Variants in SASS6 observed in about 807,000 individuals in gnomAD.
The protein encoded by SASS6 is spindle assembly abnormal protein 6 homolog.
Under a neutral mutation model 94.9 loss-of-function variants are expected in SASS6, and 59 were observed. That is an observed-to-expected ratio of 0.62 (90% CI 0.50 to 0.77). The LOEUF is 0.77. SASS6 is among the 30% of genes least tolerant of loss of function. The probability of loss-of-function intolerance (pLI) is 0.00; values close to 1 mark genes in which losing one functional copy is unlikely to be tolerated. For missense variants in SASS6, 698 were observed against 734.1 expected, an observed-to-expected ratio of 0.95 and a Z score of 0.57; for synonymous variants, 264 against 270.0, an observed-to-expected ratio of 0.98 and a Z score of 0.22.
rs72971877 is a variant in SASS6 at position 100,123,018 on chromosome 1, T to C, written c.206+192A>G. On this transcript the variant is annotated intron_variant, in intron 3 of 16. Transcript: ENST00000287482. ...AAAAGCTTCAAACTTCACAGGTGTT[T>C]TAAGCAGAATTCTAATAACCCACAA... 0.033 allele frequency among the ~76,000 whole-genome samples: 5,012 copies of C among 152,256 alleles called. 300 individuals carry two copies. Among genetic ancestry groups the C allele is most frequent in the African/African-American group, 0.11 (4,711 of 41,504 alleles).
chr1:100,110,476 A>G lies in SASS6; in HGVS notation c.677T>C (p.Val226Ala). ...TTGTTCATGCTGCTGTTGATATTGA[A>G]CCTGTGCCTATGATACAATAAAAAT... ...NEKEKALQAQVQYQQQHEQQK... is the reference protein window; with the variant it reads ...NEKEKALQAQAQYQQQHEQQK... Residue 226 changes from valine to alanine, a missense_variant, in exon 8 of 17, where the codon GTT becomes GCT. Physicochemically the swap from Val to Ala is moderately conservative, Grantham distance 64. Coordinates refer to ENST00000287482, the MANE Select transcript of SASS6 (RefSeq NM_194292.3). The G allele has an allele frequency of 6.3e-7, 1 of 1,586,774 alleles. No homozygotes were observed. The highest frequency in any genetic ancestry group is 8.6e-7 in the Non-Finnish European group (1 of 1,165,018).
chr1:100,096,188 G>A (rs1652085865), intron 14 of SASS6, among the ~76,000 whole-genome samples: 1 of 152,160 alleles, frequency 6.6e-6, no homozygotes, highest in Admixed American at 6.5e-5. Flanking sequence ...CACTGGCACA[G>A]GATAGGCATA....
intron 12 of SASS6, among the ~76,000 whole-genome samples, 198 bp from the exon 13 acceptor site, chr1:100,106,101 C>T (rs144647805): frequency 2.0e-5 from 3 of 152,178 alleles, no homozygotes; most frequent in African/African-American, 7.2e-5. Context: ...CATAGGACTC[C>T]TTATTGTATT....
intron 6 of SASS6, among the ~76,000 whole-genome samples, chr1:100,120,093 C>G (rs180766994): frequency 6.6e-6 from 1 of 152,040 alleles, no homozygotes; most frequent in Non-Finnish European, 1.5e-5. Context: ...AGGAATGAGG[C>G]GAACAAGTGG....
rs1354619232 is a variant in SASS6 at position 100,084,956 on chromosome 1, T to G, written c.*372A>C. ...ATAAAATGAATTAGTATTCTTTGGT[T>G]GCATACTATGAGGTTATGAGCAGGT... On this transcript the variant is annotated 3_prime_UTR_variant, in exon 17 of 17. Transcript: ENST00000287482. 2 of 162,448 alleles carry G rather than the reference T, an allele frequency of 1.2e-5. No individual in the cohort carries two copies. The highest frequency in any genetic ancestry group is 4.8e-5 in the African/African-American group (2 of 41,826). 10.1% of individuals were successfully genotyped at this position (162,448 alleles called of 1,614,324 possible).
In SASS6 at chr1:100,110,333, T is replaced by C; in HGVS notation, c.820A>G (p.Thr274Ala). ...AGTTTTGCTTTAAGTTCTCTAATAG[T>C]GGAGTCTCCTTTATATTTTCTTTCG... is the stretch of plus-strand genomic sequence containing the variant. ...LTERKYKGDS[T>A]IRELKAKLSG... The change falls in exon 8 of 17, where the codon ACT becomes GCT. Residue 274 changes from threonine to alanine, a missense_variant. Thr to Ala is a moderately conservative substitution (Grantham distance 58, BLOSUM62 0). Transcript: ENST00000287482. 2 of 1,596,330 alleles carry C rather than the reference T, an allele frequency of 1.3e-6. No individual in the cohort carries two copies. Among genetic ancestry groups the C allele is most frequent in the East Asian group, 2.3e-5 (1 of 44,188 alleles).
intron 14 of SASS6, among the ~76,000 whole-genome samples, chr1:100,093,155 A>G (rs2101643768): frequency 6.6e-6 from 1 of 151,452 alleles, no homozygotes; most frequent in South Asian, 2.1e-4. Context: ...CCCAACAAAA[A>G]CAGAATACCT....
intron 2 of SASS6, among the ~76,000 whole-genome samples, chr1:100,124,471 C>G (rs1177861279): frequency 6.6e-6 from 1 of 152,220 alleles, no homozygotes; most frequent in African/African-American, 2.4e-5. Context: ...GCCTCAACCT[C>G]CCAGTCTCAA....
intron 2 of SASS6, among the ~76,000 whole-genome samples, chr1:100,124,465 C>G (rs1654422312): frequency 1.3e-5 from 2 of 152,228 alleles, no homozygotes; most frequent in South Asian, 4.1e-4. Context: ...ACTGCAGCCT[C>G]AACCTCCCAG....
At chr1:100,126,066 C>G (rs1654595219) in intron 1 of SASS6, 124 bp from the exon 2 acceptor site, 1 of 574,364 alleles carries the variant, frequency 1.7e-6, no homozygotes, top group African/African-American at 1.9e-5. Flanking sequence ...AACTTATGAA[C>G]AGAAGTTTGA....
chr1:100,123,333 GC>G (rs1191592006), intron 2 of SASS6, 44 bp from the exon 3 acceptor site: 1 of 900,226 alleles, frequency 1.1e-6, no homozygotes, highest in Non-Finnish European at 1.8e-6. Flanking sequence ...ACTAGATCTG[GC>G]CTTTTGAGTA....
intron 7 of SASS6, among the ~76,000 whole-genome samples, chr1:100,116,108 C>T (rs754138038): frequency 2.0e-5 from 3 of 152,038 alleles, no homozygotes; most frequent in Non-Finnish European, 4.4e-5. Flanking sequence ...AAACTATATA[C>T]GGCAAAAGAT....
At position 100,101,606 on chromosome 1, in the gene SASS6, C is replaced by T. The variant is rs150713800; in HGVS notation, c.1674+1349G>A. ...TAAATAAAAAACAACTGTGAATTCA[C>T]TTATAATTCTAAAGAAAAAAAATGA... On this transcript the variant is annotated intron_variant, in intron 14 of 16. Coordinates refer to ENST00000287482, the MANE Select transcript of SASS6 (RefSeq NM_194292.3). Among the ~76,000 whole-genome samples, 722 of 152,110 alleles carry T rather than the reference C, an allele frequency of 4.7e-3. 4 individuals carry two copies. The highest frequency in any genetic ancestry group is 0.016 in the African/African-American group (653 of 41,502).
chr1:100,091,688 C>A (rs867194548), intron 14 of SASS6, among the ~76,000 whole-genome samples: 1 of 124,928 alleles, frequency 8.0e-6, no homozygotes, highest in Admixed American at 8.3e-5. Context: ...CAGAAAAAAA[C>A]CGCTGAATGG....
intron 15 of SASS6, among the ~76,000 whole-genome samples, chr1:100,086,467 T>C (rs953131232): frequency 2.6e-5 from 4 of 152,052 alleles, no homozygotes; most frequent in Admixed American, 1.3e-4. Flanking sequence ...ACAAATACGA[T>C]TGTCATATTT....
In SASS6 at chr1:100,122,506, A is replaced by G. The variant is rs780515264; in HGVS notation, c.207-22T>C. On this transcript the variant is annotated intron_variant, in intron 3 of 16. Coordinates refer to ENST00000287482, the MANE Select transcript of SASS6 (RefSeq NM_194292.3). ...TAAACTATACAGAAGAAAGGAAAAGAAATTTTTTAAAAATTTTAATTAACT... is the reference window on the plus strand; with the variant it reads ...TAAACTATACAGAAGAAAGGAAAAGGAATTTTTTAAAAATTTTAATTAACT... The G allele has an allele frequency of 2.9e-6, 3 of 1,022,220 alleles. No homozygotes were observed. The Admixed American group carries it at 7.0e-5, about 24-fold the overall frequency. 63.3% of individuals were successfully genotyped at this position (1,022,220 alleles called of 1,614,324 possible).
Position 100,121,545 on chromosome 1 carries a change from A to G in SASS6, c.316T>C (p.Leu106=). Residue 106 remains leucine (L), a synonymous_variant, in exon 5 of 17, where the codon TTG becomes CTG. Transcript: ENST00000287482. ...QEHAKEIPRF[L]LQLVSPAAIL... ...GCTGCTGGAGAAACTAACTGTAGCA[A>G]AAACCTTTGAAAAGAAAATGTTACA... 1.3e-6 allele frequency: 2 copies of G among 1,554,834 alleles called. No homozygotes were observed. The highest frequency in any genetic ancestry group is 3.7e-5 in the Admixed American group (2 of 54,034).
chr1:100,104,176 C>A (rs1652708660), intron 13 of SASS6, among the ~76,000 whole-genome samples: 1 of 152,172 alleles, frequency 6.6e-6, no homozygotes, highest in African/African-American at 2.4e-5. Flanking sequence ...CAGCAGCAGC[C>A]ATTCATGTTA....
At position 100,121,536 on chromosome 1, in the gene SASS6, A is replaced by G. The variant is rs764726733; in HGVS notation, c.325T>C (p.Leu109=). 1.1e-5 allele frequency: 17 copies of G among 1,580,998 alleles called. No individual in the cohort carries two copies. The highest frequency in any genetic ancestry group is 1.4e-5 in the Non-Finnish European group (16 of 1,158,678). Residue 109 remains leucine, a synonymous_variant, in exon 5 of 17, where the codon TTA becomes CTA. Transcript: ENST00000287482. ...AKEIPRFLLQ[L]VSPAAILDNS... The stretch of plus-strand genomic sequence containing the variant: ...TCCAAAATAGCTGCTGGAGAAACTA[A>G]CTGTAGCAAAAACCTTTGAAAAGAA...
Sources: allele counts gnomAD v4.1 joint callset (sites outside exome capture counted in the v4.1 genomes callset), GRCh38; gene constraint gnomAD v4.1.1; transcripts MANE v1.5; gene names NCBI Gene and HGNC (gene_info 2026-07-23, HGNC 2026-07-21).